The following PSD3 variants were observed in gnomAD, a reference collection of about 807,000 sequenced individuals.
PSD3 encodes PH and SEC7 domain-containing protein 3.
A neutral mutation model predicts 105.5 loss-of-function variants in PSD3; 49 were observed. That is an observed-to-expected ratio of 0.46 (90% CI 0.37 to 0.59). The LOEUF (loss-of-function observed/expected upper bound fraction) is 0.59, where lower values mean the gene tolerates loss of function less well. PSD3 is among the 20% of genes least tolerant of loss of function. The pLI is 0.00. For synonymous variants in PSD3, 557 were observed against 457.8 expected, an observed-to-expected ratio of 1.22 and a Z score of -2.77; for missense variants, 1,561 against 1,263.8, an observed-to-expected ratio of 1.24 and a Z score of -3.57.
chr8:19,018,523 C>T (rs1014595604), upstream of PSD3, among the ~76,000 whole-genome samples: 3 of 152,098 alleles, frequency 2.0e-5, no homozygotes, highest in Non-Finnish European at 4.4e-5. Flanking sequence ...AATTTTGAAT[C>T]AAGAGAAATG....
intron 11 of PSD3, among the ~76,000 whole-genome samples, chr8:18,612,992 G>C (rs1214693384): frequency 6.6e-6 from 1 of 151,180 alleles, no homozygotes; most frequent in Non-Finnish European, 1.5e-5. Flanking sequence ...AATTTACATG[G>C]CTTGGGCTGA....
chr8:19,024,558 GA>G (rs1827477350), intron 1 of PSD3, among the ~76,000 whole-genome samples: 1 of 152,156 alleles, frequency 6.6e-6, no homozygotes. Context: ...TATTCATAAA[GA>G]AGCCACTTAC....
At chr8:18,761,357 T>C (rs1435920095) in intron 9 of PSD3, among the ~76,000 whole-genome samples, 1 of 152,200 alleles carries the variant, frequency 6.6e-6, no homozygotes, top group African/African-American at 2.4e-5. Flanking sequence ...ACCAGATACC[T>C]GCAGGAAGGG....
intron 12 of PSD3, among the ~76,000 whole-genome samples, chr8:18,592,635 C>A (rs928931817): frequency 6.6e-6 from 1 of 152,106 alleles, no homozygotes; most frequent in Non-Finnish European, 1.5e-5. Flanking sequence ...TATTTCTCAG[C>A]ATAAATGATC....
intron 1 of PSD3, among the ~76,000 whole-genome samples, chr8:18,956,660 G>A (rs1823591555): frequency 6.6e-6 from 1 of 152,078 alleles, no homozygotes. Context: ...TTTTGTTTTT[G>A]TCACTTTAAT....
intron 9 of PSD3, among the ~76,000 whole-genome samples, chr8:18,660,550 G>T (rs1809271183): frequency 6.6e-6 from 1 of 152,176 alleles, no homozygotes; most frequent in Non-Finnish European, 1.5e-5. Flanking sequence ...CAGTCCCTAG[G>T]ACAAACAGTC....
At chr8:18,777,233 G>C (rs560511023) in intron 8 of PSD3, among the ~76,000 whole-genome samples, 2 of 152,046 alleles carry the variant, frequency 1.3e-5, no homozygotes, top group African/African-American at 4.8e-5. Context: ...AGTAGAGACA[G>C]GGTTTCACCA....
At chr8:19,065,204 G>A (rs1422677226) in intron 1 of PSD3, among the ~76,000 whole-genome samples, 1 of 152,190 alleles carries the variant, frequency 6.6e-6, no homozygotes, top group Non-Finnish European at 1.5e-5. Flanking sequence ...ACTCTGAGGG[G>A]AAAAAACACA....
At chr8:18,937,782 C>T (rs548707137) in intron 1 of PSD3, among the ~76,000 whole-genome samples, 16 of 152,156 alleles carry the variant, frequency 1.1e-4, no homozygotes, top group Non-Finnish European at 2.1e-4. Context: ...AAGAGGAACT[C>T]GGCCAAGGGG....
intron 1 of PSD3, among the ~76,000 whole-genome samples, chr8:19,004,846 G>C (rs865828839): frequency 6.6e-6 from 1 of 152,092 alleles, no homozygotes; most frequent in African/African-American, 2.4e-5. Flanking sequence ...AAAAATGGGA[G>C]TTTGCCCACA....
intron 2 of PSD3, among the ~76,000 whole-genome samples, chr8:18,877,984 T>G (rs1190471418): frequency 6.6e-6 from 1 of 152,208 alleles, no homozygotes; most frequent in Non-Finnish European, 1.5e-5. Flanking sequence ...GAATTTCCCA[T>G]TACTTTTAGA....
intron 11 of PSD3, among the ~76,000 whole-genome samples, chr8:18,613,721 C>T (rs1280185495): frequency 1.3e-5 from 2 of 152,182 alleles, no homozygotes; most frequent in Non-Finnish European, 2.9e-5. Context: ...CACTACAGTT[C>T]AGGGCTCTAA....
chr8:18,559,913 AGTC>A (rs1801293948), intron 14 of PSD3, among the ~76,000 whole-genome samples: 1 of 152,206 alleles, frequency 6.6e-6, no homozygotes, highest in Non-Finnish European at 1.5e-5. Flanking sequence ...ATAAAGGGCT[AGTC>A]ATTTAGGCTA....
At chr8:18,994,565 T>C (rs914715700) in intron 1 of PSD3, among the ~76,000 whole-genome samples, 4 of 152,072 alleles carry the variant, frequency 2.6e-5, no homozygotes, top group Non-Finnish European at 5.9e-5. Flanking sequence ...ATGGCAGATG[T>C]GCTGTGAGTG....
intron 9 of PSD3, among the ~76,000 whole-genome samples, chr8:18,690,916 T>C (rs965314495): frequency 6.6e-6 from 1 of 152,278 alleles, no homozygotes; most frequent in Middle Eastern, 3.4e-3. Flanking sequence ...GCAGTGGGGC[T>C]ACGGATTTCC....
intron 1 of PSD3, among the ~76,000 whole-genome samples, chr8:18,941,231 T>C (rs1002877567): frequency 3.3e-5 from 5 of 152,250 alleles, no homozygotes; most frequent in Admixed American, 2.6e-4. Flanking sequence ...CATTAGCAGC[T>C]GGACTGATGG....
At chr8:19,029,876 C>T (rs1441592025) in intron 1 of PSD3, among the ~76,000 whole-genome samples, 1 of 152,122 alleles carries the variant, frequency 6.6e-6, no homozygotes, top group African/African-American at 2.4e-5. Context: ...TTGCTAAACT[C>T]ACTTATTAGT....
intron 1 of PSD3, among the ~76,000 whole-genome samples, chr8:19,079,562 G>A (rs1020841428): frequency 2.6e-5 from 4 of 152,114 alleles, no homozygotes; most frequent in African/African-American, 7.2e-5. Flanking sequence ...CTTGAATAAC[G>A]AAATGTTTAC....
At chr8:18,898,388 A>C (rs1047637186) in intron 2 of PSD3, among the ~76,000 whole-genome samples, 1 of 152,092 alleles carries the variant, frequency 6.6e-6, no homozygotes, top group African/African-American at 2.4e-5. Flanking sequence ...AGTTTACTTA[A>C]AGTCTGTTTT....
Sources: allele counts gnomAD v4.1 joint callset (sites outside exome capture counted in the v4.1 genomes callset), GRCh38; gene constraint gnomAD v4.1.1; transcripts MANE v1.5; gene names NCBI Gene and HGNC (gene_info 2026-07-23, HGNC 2026-07-21).